The following ZNF704 variants were observed in gnomAD, a reference collection of about 807,000 sequenced individuals.
ZNF704 encodes the protein zinc finger protein 704.
In ZNF704, 10 loss-of-function variants were observed where a neutral mutation model predicts 44.7. The observed-to-expected ratio is 0.22, with a 90% CI of 0.14 to 0.38. The LOEUF is 0.38. Ranked by LOEUF, ZNF704 falls within the 10% of genes least tolerant of loss-of-function variation. The probability of loss-of-function intolerance (pLI) is 1.00; values close to 1 mark genes in which losing one functional copy is unlikely to be tolerated. For missense variants in ZNF704, 390 were observed against 545.5 expected, an observed-to-expected ratio of 0.71 and a Z score of 2.84; for synonymous variants, 211 against 207.6, an observed-to-expected ratio of 1.02 and a Z score of -0.14.
intron 2 of ZNF704, among the ~76,000 whole-genome samples, chr8:80,792,700 G>A (rs1383369459): frequency 2.0e-5 from 3 of 152,188 alleles, no homozygotes; most frequent in Non-Finnish European, 2.9e-5. Flanking sequence ...GCTGGTATAT[G>A]GGGAGGCACA....
intron 1 of ZNF704, among the ~76,000 whole-genome samples, chr8:80,867,386 C>T (rs908257432): frequency 6.6e-6 from 1 of 152,130 alleles, no homozygotes; most frequent in Non-Finnish European, 1.5e-5. Context: ...AGGGAGTGAG[C>T]TGTAGATCAT....
intron 2 of ZNF704, among the ~76,000 whole-genome samples, chr8:80,700,360 T>C (rs1818790116): frequency 6.6e-6 from 1 of 152,192 alleles, no homozygotes; most frequent in Non-Finnish European, 1.5e-5. Context: ...CTCCATTTAT[T>C]AGTGAGTGCT....
chr8:80,770,206 C>T (rs1185012775), intron 2 of ZNF704, among the ~76,000 whole-genome samples: 5 of 152,148 alleles, frequency 3.3e-5, no homozygotes, highest in Non-Finnish European at 5.9e-5. Flanking sequence ...TCAGTAACCT[C>T]TTGTAAAACC....
chr8:80,739,118 C>T (rs1806713045), intron 2 of ZNF704, among the ~76,000 whole-genome samples: 1 of 152,146 alleles, frequency 6.6e-6, no homozygotes, highest in Non-Finnish European at 1.5e-5. Flanking sequence ...TTTTGGATTG[C>T]TAAAGTAATG....
intron 7 of ZNF704, among the ~76,000 whole-genome samples, chr8:80,646,433 G>A (rs1435050309): frequency 6.6e-6 from 1 of 150,650 alleles, no homozygotes; most frequent in Non-Finnish European, 1.5e-5. Flanking sequence ...TCGAGATTGT[G>A]CCGTTGCACT....
At chr8:80,810,015 T>C (rs1355180087) in intron 2 of ZNF704, among the ~76,000 whole-genome samples, 1 of 152,188 alleles carries the variant, frequency 6.6e-6, no homozygotes, top group Non-Finnish European at 1.5e-5. Flanking sequence ...CCATGGCCTC[T>C]TGAACACAGC....
At chr8:80,747,711 G>T (rs139297222) in intron 2 of ZNF704, among the ~76,000 whole-genome samples, 16 of 152,200 alleles carry the variant, frequency 1.1e-4, no homozygotes, top group African/African-American at 2.2e-4. Flanking sequence ...TTGAAAAAAT[G>T]GTTTTTTTGT....
chr8:80,741,378 G>C (rs1806753475), intron 2 of ZNF704, among the ~76,000 whole-genome samples: 1 of 152,186 alleles, frequency 6.6e-6, no homozygotes, highest in South Asian at 2.1e-4. Context: ...CCTTACACAG[G>C]TCTGAGGGAC....
At chr8:80,776,333 T>C (rs1023476447) in intron 2 of ZNF704, among the ~76,000 whole-genome samples, 29 of 152,202 alleles carry the variant, frequency 1.9e-4, no homozygotes, top group Admixed American at 3.3e-4. Flanking sequence ...CCACCACCAA[T>C]GCATGAAAAT....
chr8:80,692,155 AGTC>A (rs995406657), intron 3 of ZNF704, among the ~76,000 whole-genome samples: 49 of 152,264 alleles, frequency 3.2e-4, no homozygotes, highest in Admixed American at 4.6e-4. Flanking sequence ...TAGGTCTCCC[AGTC>A]TCTCCAACTT....
At chr8:80,829,470 C>G (rs1157835187) in intron 1 of ZNF704, among the ~76,000 whole-genome samples, 1 of 152,150 alleles carries the variant, frequency 6.6e-6, no homozygotes, top group African/African-American at 2.4e-5. Flanking sequence ...ATATTTAAGT[C>G]TTCACAGTAT....
intron 2 of ZNF704, among the ~76,000 whole-genome samples, chr8:80,799,727 T>C (rs1254512298): frequency 6.6e-6 from 1 of 152,112 alleles, no homozygotes; most frequent in East Asian, 1.9e-4. Context: ...GCAAAAACGC[T>C]GAAAACTCAA....
intron 2 of ZNF704, among the ~76,000 whole-genome samples, chr8:80,710,935 G>T (rs1818976179): frequency 1.3e-5 from 2 of 152,094 alleles, no homozygotes; most frequent in African/African-American, 4.8e-5. Context: ...GAGGGAGGTT[G>T]GTAAGAATTA....
chr8:80,688,895 G>T (rs1308832161), intron 3 of ZNF704, among the ~76,000 whole-genome samples: 2 of 149,442 alleles, frequency 1.3e-5, no homozygotes, highest in African/African-American at 4.9e-5. Context: ...GGAGGCGGAG[G>T]TTGCAGTGAG....
intron 2 of ZNF704, among the ~76,000 whole-genome samples, chr8:80,741,377 G>A (rs191480632): frequency 8.5e-5 from 13 of 152,278 alleles, no homozygotes; most frequent in Admixed American, 8.5e-4. Flanking sequence ...TCCTTACACA[G>A]GTCTGAGGGA....
chr8:80,649,915 G>C (rs926796993), intron 7 of ZNF704, among the ~76,000 whole-genome samples: 1 of 152,202 alleles, frequency 6.6e-6, no homozygotes, highest in East Asian at 1.9e-4. Flanking sequence ...GCATCCCCCA[G>C]TAGGGGCAGA....
intron 2 of ZNF704, among the ~76,000 whole-genome samples, chr8:80,792,594 C>T (rs998068740): frequency 2.0e-5 from 3 of 152,166 alleles, no homozygotes; most frequent in East Asian, 1.9e-4. Context: ...TGACTCCTGT[C>T]GTGCTAGCAG....
chr8:80,801,282 A>G (rs1563558187), intron 2 of ZNF704, among the ~76,000 whole-genome samples: 1 of 152,160 alleles, frequency 6.6e-6, no homozygotes, highest in Non-Finnish European at 1.5e-5. Context: ...TAACAAAGAT[A>G]TTCAGGACTT....
intron 2 of ZNF704, chr8:80,812,532 T>C (rs1808106043): frequency 6.6e-6 from 1 of 152,628 alleles, no homozygotes; most frequent in African/African-American, 2.4e-5. Context: ...CCAACAAGTT[T>C]GCGCAAAGAA....
Sources: allele counts gnomAD v4.1 joint callset (sites outside exome capture counted in the v4.1 genomes callset), GRCh38; gene constraint gnomAD v4.1.1; transcripts MANE v1.5; gene names NCBI Gene and HGNC (gene_info 2026-07-23, HGNC 2026-07-21).